The following GABRA5 variants were observed in gnomAD, a reference collection of about 807,000 sequenced individuals.
The protein encoded by GABRA5 is gamma-aminobutyric acid type A receptor subunit alpha5.
Under a neutral mutation model 47.3 loss-of-function variants are expected in GABRA5, and 18 were observed. The ratio of observed to expected loss-of-function variants is 0.38; its 90% confidence interval spans 0.26 to 0.56. The LOEUF is 0.56. GABRA5 is among the 20% of genes least tolerant of loss of function. The pLI is 0.71. For synonymous variants in GABRA5, 237 were observed against 229.3 expected (o/e 1.03, Z -0.30); for missense variants, 365 against 599.3 (o/e 0.61, Z 4.08).
chr15:26,926,251 C>T (rs1471776212), intron 7 of GABRA5, among the ~76,000 whole-genome samples: 1 of 152,120 alleles, frequency 6.6e-6, no homozygotes, highest in East Asian at 1.9e-4. Flanking sequence ...TTTCATCTGA[C>T]ATCCAGAGAT....
At chr15:26,887,762 T>C (rs1334861538) in intron 6 of GABRA5, among the ~76,000 whole-genome samples, 3 of 152,196 alleles carry the variant, frequency 2.0e-5, no homozygotes, top group Admixed American at 6.5e-5. Context: ...AATATATATA[T>C]TTTTAAATTC....
At chr15:26,944,923 G>T (rs1030077681) in intron 10 of GABRA5, among the ~76,000 whole-genome samples, 11 of 152,156 alleles carry the variant, frequency 7.2e-5, no homozygotes, top group African/African-American at 1.4e-4. Context: ...AATGGAGAGA[G>T]CACACCTGTG....
At chr15:26,880,675 G>A in intron 3 of GABRA5, 171 bp from the exon 4 acceptor site, 2 of 555,822 alleles carry the variant, frequency 3.6e-6, no homozygotes, top group Non-Finnish European at 6.2e-6. Flanking sequence ...GGATGTTGGA[G>A]AACTGAGGTG....
chr15:26,872,925 T>C (rs571800795), intron 3 of GABRA5, among the ~76,000 whole-genome samples: 4 of 152,288 alleles, frequency 2.6e-5, no homozygotes, highest in South Asian at 2.1e-4. Context: ...AATACATGAG[T>C]GTTCTTCTCC....
intron 10 of GABRA5, among the ~76,000 whole-genome samples, chr15:26,944,112 C>G (rs1894454767): frequency 6.6e-6 from 1 of 152,180 alleles, no homozygotes; most frequent in South Asian, 2.1e-4. Flanking sequence ...GAGGTCAGAG[C>G]CATCGGGGCG....
chr15:26,941,668 A>G (rs1894387612), intron 9 of GABRA5, among the ~76,000 whole-genome samples: 1 of 152,108 alleles, frequency 6.6e-6, no homozygotes, highest in Non-Finnish European at 1.5e-5. Context: ...TGGAGGCTGG[A>G]AGGCTGGGAT....
At chr15:26,879,020 C>T (rs1408520420) in intron 3 of GABRA5, among the ~76,000 whole-genome samples, 2 of 152,166 alleles carry the variant, frequency 1.3e-5, no homozygotes, top group Admixed American at 1.3e-4. Flanking sequence ...TGAAGTCAAG[C>T]CCTTGTCTCT....
chr15:26,924,418 C>T (rs1268234600), intron 7 of GABRA5, among the ~76,000 whole-genome samples: 1 of 152,166 alleles, frequency 6.6e-6, no homozygotes, highest in Non-Finnish European at 1.5e-5. Context: ...GGCCTCATTA[C>T]TGCCAAGTGG....
intron 6 of GABRA5, among the ~76,000 whole-genome samples, chr15:26,889,004 T>C (rs1892943253): frequency 6.6e-6 from 1 of 152,242 alleles, no homozygotes; most frequent in African/African-American, 2.4e-5. Flanking sequence ...GCCTGTTTAA[T>C]AGAAAGATCT....
chr15:26,897,330 A>G (rs529650500), intron 6 of GABRA5, among the ~76,000 whole-genome samples: 1 of 152,292 alleles, frequency 6.6e-6, no homozygotes, highest in South Asian at 2.1e-4. Context: ...GAAGATTAGA[A>G]CACGGGCACC....
In GABRA5 at chr15:26,877,729, A is replaced by C. The variant is rs1468624991; in HGVS notation, c.87-3117A>C. The C allele has an allele frequency of 1.3e-5, 6 of 453,692 alleles. No homozygotes were observed. The Admixed American group carries it at 1.4e-4, about 11-fold the overall frequency. The allele number at this position is 453,692 out of a possible 1,614,324, so 28.1% of individuals were successfully genotyped here. A position where few individuals can be genotyped will look rare whatever the true frequency, so the allele number is the denominator to read the frequency against. The stretch of plus-strand genomic sequence containing the variant: ...AATAAGGAAAATGTTGGAACTGAGA[A>C]TATGGCATAAGTGGGACATGTTTTG... On this transcript the variant is annotated intron_variant, in intron 3 of 10. Coordinates refer to ENST00000335625, the MANE Select transcript of GABRA5 (RefSeq NM_000810.4).
At position 26,883,035 on chromosome 15, in the gene GABRA5, A is replaced by C; in HGVS notation, c.209-131A>C. 6 of 757,296 alleles carry C rather than the reference A, an allele frequency of 7.9e-6. No homozygotes were observed. The South Asian group carries it at 8.6e-5, about 11-fold the overall frequency. 46.9% of individuals were successfully genotyped at this position (757,296 alleles called of 1,614,324 possible). On this transcript the variant is annotated intron_variant, in intron 4 of 10. Coordinates refer to ENST00000335625, the MANE Select transcript of GABRA5 (RefSeq NM_000810.4). This position sits in a 1 kb window ranked among gnomAD's most constrained non-coding sequence, Gnocchi z 4.8. ...TCATCTGGTAATTGTCAAGTCCTCCAAATTTACCAAACGCACTGCAAAAGC... is the reference window on the plus strand; with the variant it reads ...TCATCTGGTAATTGTCAAGTCCTCCCAATTTACCAAACGCACTGCAAAAGC...
At chr15:26,901,425 C>A (rs953104386) in intron 6 of GABRA5, among the ~76,000 whole-genome samples, 1 of 152,254 alleles carries the variant, frequency 6.6e-6, no homozygotes, top group African/African-American at 2.4e-5. Flanking sequence ...CGTGGAGCAT[C>A]TTTTCATATG....
Position 26,884,084 on chromosome 15 carries a change from C to G in GABRA5, c.497+527C>G, listed in dbSNP as rs142853189. Among the ~76,000 whole-genome samples the G allele has an allele frequency of 4.8e-3, 725 of 151,844 alleles. 7 individuals are homozygous for G. The highest frequency in any genetic ancestry group is 0.017 in the African/African-American group (688 of 41,426). ...TGCACCTGTGGTCCTAACTACTTGG[C>G]AGGCTGAGGTGGTAGGATCCCTTGA... On this transcript the variant is annotated intron_variant, in intron 6 of 10. Transcript: ENST00000335625.
intron 6 of GABRA5, among the ~76,000 whole-genome samples, chr15:26,886,246 C>T (rs1365552501): frequency 6.6e-6 from 1 of 152,166 alleles, no homozygotes; most frequent in Admixed American, 6.5e-5. Context: ...TATTGAACTC[C>T]TGACCTCAGG....
At chr15:26,942,211 A>C (rs1033566725) in intron 9 of GABRA5, among the ~76,000 whole-genome samples, 3 of 152,216 alleles carry the variant, frequency 2.0e-5, no homozygotes, top group African/African-American at 7.2e-5. Context: ...ACTGACACCC[A>C]TCCAGAGTGC....
rs764171540 is a variant in GABRA5, at chr15:26,943,291, C to T, written c.954C>T (p.Thr318=). ...RNSLPKVAYA[T]AMDWFIAVCY... ...CTCTGCCCAAAGTGGCCTACGCCAC[C>T]GCCATGGACTGGTTCATAGCCGTGT... The change falls in exon 10 of 11, where the codon ACC becomes ACT. Residue 318 remains threonine, a synonymous_variant. Transcript: ENST00000335625. 11 of 1,577,080 alleles carry T rather than the reference C, an allele frequency of 7.0e-6. No individual in the cohort carries two copies. In the East Asian group the frequency reaches 1.4e-4, roughly 20 times the overall value.
At chr15:26,917,029 A>G (rs1893732585) in intron 7 of GABRA5, among the ~76,000 whole-genome samples, 1 of 152,022 alleles carries the variant, frequency 6.6e-6, no homozygotes, top group Non-Finnish European at 1.5e-5. Flanking sequence ...GGAGAGTTTC[A>G]CTTCTTCCTT....
rs539550391 is a variant in GABRA5, at chr15:26,909,942, TGAA to T, written c.498-4855_498-4853del. 3.9e-5 allele frequency among the ~76,000 whole-genome samples: 6 copies of T among 152,360 alleles called. No individual in the cohort carries two copies. In the South Asian group the frequency reaches 1.2e-3, roughly 32 times the overall value. On this transcript the variant is annotated intron_variant, in intron 6 of 10. Coordinates refer to ENST00000335625, the MANE Select transcript of GABRA5 (RefSeq NM_000810.4). The stretch of plus-strand genomic sequence containing the variant: ...CACAAGAATAAGGAAGGCTTCGATT[TGAA>T]GAAGATTTTAGTAGAATTTTGGAGA...
Sources: allele counts gnomAD v4.1 joint callset (sites outside exome capture counted in the v4.1 genomes callset), GRCh38; gene constraint gnomAD v4.1.1; non-coding constraint Gnocchi (gnomAD v3.1); transcripts MANE v1.5; gene names NCBI Gene and HGNC (gene_info 2026-07-23, HGNC 2026-07-21).